EYA1: variants seen among roughly 807,000 people sequenced by gnomAD.
EYA1 encodes the protein protein phosphatase EYA1.
In EYA1, 16 loss-of-function variants were observed where a neutral mutation model predicts 82.0. The ratio of observed to expected loss-of-function variants is 0.20; its 90% confidence interval spans 0.13 to 0.30. The LOEUF (loss-of-function observed/expected upper bound fraction) is 0.30. Among genes scored for constraint, EYA1 ranks in the 10% least tolerant of loss-of-function variants. The pLI is 1.00. For missense variants in EYA1, 633 were observed against 730.7 expected (o/e 0.87, Z 1.54); for synonymous variants, 261 against 264.4 (o/e 0.99, Z 0.12).
intron 3 of EYA1, among the ~76,000 whole-genome samples, chr8:71,348,345 A>G (rs999604078): frequency 2.0e-5 from 3 of 152,244 alleles, no homozygotes; most frequent in African/African-American, 7.2e-5. Flanking sequence ...AAATACTACC[A>G]TTCACTAAGG....
intron 2 of EYA1, among the ~76,000 whole-genome samples, chr8:71,462,658 G>A (rs12542128): frequency 0.095 from 14,520 of 152,198 alleles, 1,494 homozygotes; most frequent in East Asian, 0.47. Context: ...ACCACCCCAG[G>A]CCCAGCTCTG....
chr8:71,405,682 A>G (rs1266256384), intron 2 of EYA1, among the ~76,000 whole-genome samples: 3 of 152,182 alleles, frequency 2.0e-5, no homozygotes, highest in Non-Finnish European at 4.4e-5. Context: ...CTTGGTAAAC[A>G]TCCACCTTCC....
intron 2 of EYA1, among the ~76,000 whole-genome samples, chr8:71,466,665 T>C (rs1033042839): frequency 6.6e-6 from 1 of 152,144 alleles, no homozygotes; most frequent in African/African-American, 2.4e-5. Context: ...CTCGACAAAA[T>C]GTTTCCCAAT....
chr8:71,348,282 C>A (rs1825957455), intron 3 of EYA1, among the ~76,000 whole-genome samples: 1 of 152,132 alleles, frequency 6.6e-6, no homozygotes, highest in African/African-American at 2.4e-5. Context: ...CATAAGAAAT[C>A]AGGAATTACT....
intron 2 of EYA1, among the ~76,000 whole-genome samples, chr8:71,458,944 G>A (rs1410292803): frequency 6.6e-6 from 1 of 152,132 alleles, no homozygotes; most frequent in African/African-American, 2.4e-5. Flanking sequence ...ATACTAAAGA[G>A]GGCAGGAGGG....
intron 7 of EYA1, among the ~76,000 whole-genome samples, chr8:71,301,044 A>C (rs1820145459): frequency 6.6e-6 from 1 of 152,194 alleles, no homozygotes; most frequent in South Asian, 2.1e-4. Flanking sequence ...CATTTTTTAA[A>C]AAGTTAGAGT....
Position 71,455,750 on chromosome 8 carries a change from T to C in EYA1, c.33+79994A>G, listed in dbSNP as rs141179066. 9.7e-3 allele frequency among the ~76,000 whole-genome samples: 1,483 copies of C among 152,254 alleles called. 29 individuals carry two copies. Among genetic ancestry groups the C allele is most frequent in the African/African-American group, 0.034 (1,393 of 41,550 alleles). The stretch of plus-strand genomic sequence containing the variant: ...CTCAATAAATTCAGTATTGATGGGA[T>C]GGATCTCAAAATAATAAGAGCTATT... On this transcript the variant is annotated intron_variant, in intron 2 of 18. Transcript: ENST00000643681.
chr8:71,421,485 T>C (rs563424739), intron 2 of EYA1, among the ~76,000 whole-genome samples: 58 of 152,352 alleles, frequency 3.8e-4, no homozygotes, highest in African/African-American at 1.4e-3. Flanking sequence ...TCTTCTACTA[T>C]GCCAAGTTGC....
At position 71,299,513 on chromosome 8, in the gene EYA1, T is replaced by C. The variant is rs149072289; in HGVS notation, c.639+125A>G. 1.9e-4 allele frequency: 140 copies of C among 749,120 alleles called. 2 individuals are homozygous for C. The Admixed American group carries it at 3.1e-3, about 16-fold the overall frequency. The allele number at this position is 749,120 out of a possible 1,614,324, so 46.4% of individuals were successfully genotyped here. A position where few individuals can be genotyped will look rare whatever the true frequency, so the allele number is the denominator to read the frequency against. ...CACCACAAAAGACTGCTAAAGTGAATTTTAAAAGAAAACTACTAAAAGCCT... is the reference window on the plus strand; with the variant it reads ...CACCACAAAAGACTGCTAAAGTGAACTTTAAAAGAAAACTACTAAAAGCCT... On this transcript the variant is annotated intron_variant, in intron 8 of 17. Coordinates refer to ENST00000340726, the MANE Select transcript of EYA1 (RefSeq NM_000503.6).
intron 2 of EYA1, among the ~76,000 whole-genome samples, chr8:71,515,558 A>G (rs544369728): frequency 2.7e-4 from 41 of 152,260 alleles, no homozygotes; most frequent in African/African-American, 9.1e-4. Flanking sequence ...CCATGACGGA[A>G]AAGTGCCAAG....
At chr8:71,356,682 T>A (rs1373843129) in intron 1 of EYA1, 171 bp from the exon 2 acceptor site, 1 of 1,310,120 alleles carries the variant, frequency 7.6e-7, no homozygotes, top group East Asian at 2.9e-5. Context: ...AGGTCTCAAC[T>A]GTTGTTTCCT....
chr8:71,244,625 T>C lies in EYA1; in HGVS notation c.1118A>G (p.His373Arg). 2 of 1,603,428 alleles carry C rather than the reference T, an allele frequency of 1.2e-6. No individual in the cohort carries two copies. The highest frequency in any genetic ancestry group is 1.7e-6 in the Non-Finnish European group (2 of 1,171,102). ...TACTTCTAAGTCATTAAAAAATAAA[T>C]GTGTGTCTGCCAAGTTGAAAATCAT... ...EEMIFNLADTHLFFNDLEECD... is the reference protein window; with the variant it reads ...EEMIFNLADTRLFFNDLEECD... Residue 373 changes from histidine to arginine, a missense_variant, in exon 12 of 18, where the codon CAT becomes CGT. Transcript: ENST00000340726.
chr8:71,485,729 A>G (rs1348450067), intron 2 of EYA1, among the ~76,000 whole-genome samples: 1 of 152,190 alleles, frequency 6.6e-6, no homozygotes, highest in East Asian at 1.9e-4. Context: ...AATCCAATGT[A>G]AGTGACTAAC....
chr8:71,476,661 A>G (rs1286930143), intron 2 of EYA1, among the ~76,000 whole-genome samples: 2 of 152,134 alleles, frequency 1.3e-5, no homozygotes, highest in Non-Finnish European at 2.9e-5. Flanking sequence ...ATTGATCTAC[A>G]CATTCAATGC....
chr8:71,344,650 A>G (rs998831459), intron 3 of EYA1, among the ~76,000 whole-genome samples: 3 of 152,216 alleles, frequency 2.0e-5, no homozygotes, highest in African/African-American at 7.2e-5. Flanking sequence ...ATCATCCTTA[A>G]TCATTCCTTT....
intron 2 of EYA1, among the ~76,000 whole-genome samples, chr8:71,370,478 G>C (rs1276797605): frequency 1.3e-5 from 2 of 151,096 alleles, no homozygotes; most frequent in Non-Finnish European, 2.9e-5. Context: ...GTAAATAAAT[G>C]AAAAGGTGGC....
intron 2 of EYA1, among the ~76,000 whole-genome samples, chr8:71,472,820 A>G (rs1809332722): frequency 9.3e-6 from 1 of 107,192 alleles, no homozygotes; most frequent in Non-Finnish European, 1.9e-5. Context: ...TATATCTGTC[A>G]GTGAGTATAT....
At chr8:71,450,756 T>A (rs1314567271) in intron 2 of EYA1, among the ~76,000 whole-genome samples, 15 of 152,140 alleles carry the variant, frequency 9.9e-5, no homozygotes, top group Admixed American at 3.9e-4. Context: ...TATTCCTGTA[T>A]ATAAAAAGGG....
At chr8:71,491,485 G>A (rs1369969929) in intron 2 of EYA1, among the ~76,000 whole-genome samples, 1 of 152,166 alleles carries the variant, frequency 6.6e-6, no homozygotes, top group South Asian at 2.1e-4. Flanking sequence ...ATTTGGAGAC[G>A]GGGTTTTAAA....
Sources: gnomAD v4.1 joint callset for allele counts (sites outside exome capture counted in the v4.1 genomes callset) on GRCh38, gnomAD v4.1.1 for gene constraint, MANE v1.5 for transcripts, NCBI Gene and HGNC (gene_info 2026-07-23, HGNC 2026-07-21) for gene names.